Variants in NT5M observed in about 807,000 individuals in gnomAD.
NT5M encodes the protein 5'(3')-deoxyribonucleotidase, mitochondrial.
NT5M carries 22 observed loss-of-function variants against 22.2 expected under a neutral mutation model. The ratio of observed to expected loss-of-function variants is 0.99; its 90% CI spans 0.71 to 1.41. NT5M has a LOEUF of 1.41. Among genes scored for constraint, NT5M ranks in the 40% most tolerant of loss-of-function variants. The pLI, the probability that NT5M is intolerant of heterozygous loss-of-function variation, is 0.00. For missense variants in NT5M, 322 were observed against 314.8 expected (o/e 1.02, Z -0.17); for synonymous variants, 167 against 133.0 (o/e 1.26, Z -1.76).
At chr17:17,326,313 C>T (rs1457417354) in intron 3 of NT5M, among the ~76,000 whole-genome samples, 9 of 152,302 alleles carry the variant, frequency 5.9e-5, no homozygotes, top group African/African-American at 1.4e-4. Context: ...AGGCCTGCTC[C>T]GGGTCTGCCT....
chr17:17,320,420 G>T (rs868173928), intron 2 of NT5M, among the ~76,000 whole-genome samples: 19 of 152,090 alleles, frequency 1.2e-4, no homozygotes, highest in Non-Finnish European at 1.3e-4. Flanking sequence ...GGACCCATAA[G>T]ACCTGGGGAT....
chr17:17,313,504 A>T (rs2048961881), intron 2 of NT5M, among the ~76,000 whole-genome samples: 1 of 152,184 alleles, frequency 6.6e-6, no homozygotes, highest in Non-Finnish European at 1.5e-5. Context: ...TGAGTGGATA[A>T]CTGTGTATCT....
chr17:17,315,424 T>C (rs2049002595), intron 2 of NT5M, among the ~76,000 whole-genome samples: 1 of 152,084 alleles, frequency 6.6e-6, no homozygotes, highest in Non-Finnish European at 1.5e-5. Flanking sequence ...ATAAGCTTAG[T>C]GAAGGAACTA....
At chr17:17,320,866 G>A (rs1037387963) in intron 2 of NT5M, among the ~76,000 whole-genome samples, 5 of 152,108 alleles carry the variant, frequency 3.3e-5, no homozygotes, top group Non-Finnish European at 7.4e-5. Context: ...CAGCTGGGCT[G>A]AGTACCTGTG....
At chr17:17,346,696 A>C (rs1446437664) in intron 4 of NT5M, 109 bp from the exon 5 acceptor site, 1 of 1,360,820 alleles carries the variant, frequency 7.3e-7, no homozygotes, top group Non-Finnish European at 1.0e-6. Flanking sequence ...TTACAGAGGA[A>C]ACAAGTTTTG....
chr17:17,341,141 G>T (rs567066902), intron 3 of NT5M, among the ~76,000 whole-genome samples: 53 of 151,984 alleles, frequency 3.5e-4, no homozygotes, highest in South Asian at 1.2e-3. Context: ...CCTCATTATT[G>T]ATTTCTAGTT....
chr17:17,306,854 T>G (rs2048813522), intron 2 of NT5M, among the ~76,000 whole-genome samples: 2 of 152,216 alleles, frequency 1.3e-5, no homozygotes, highest in African/African-American at 4.8e-5. Context: ...TCCAGGAACT[T>G]GAGGAAATAC....
chr17:17,305,681 G>A (rs375928907), intron 1 of NT5M, among the ~76,000 whole-genome samples: 13 of 152,168 alleles, frequency 8.5e-5, no homozygotes, highest in East Asian at 3.9e-4. Context: ...TACTGCACAC[G>A]TGGGATTTAG....
chr17:17,318,314 T>A (rs2049075217), intron 2 of NT5M, among the ~76,000 whole-genome samples: 1 of 151,382 alleles, frequency 6.6e-6, no homozygotes, highest in African/African-American at 2.4e-5. Flanking sequence ...CCGTCTCTAC[T>A]AAAAATACAA....
At chr17:17,328,922 T>A (rs1342265609) in intron 3 of NT5M, among the ~76,000 whole-genome samples, 1 of 152,178 alleles carries the variant, frequency 6.6e-6, no homozygotes, top group African/African-American at 2.4e-5. Context: ...TCCAAGGGCT[T>A]TCCCTGTAGT....
intron 4 of NT5M, among the ~76,000 whole-genome samples, chr17:17,346,427 C>T (rs942482520): frequency 6.6e-6 from 1 of 152,212 alleles, no homozygotes; most frequent in African/African-American, 2.4e-5. Flanking sequence ...TGGTGGGGCA[C>T]AGAGAGGGAA....
chr17:17,339,897 T>G (rs568545942), intron 3 of NT5M, among the ~76,000 whole-genome samples: 1 of 152,366 alleles, frequency 6.6e-6, no homozygotes, highest in South Asian at 2.1e-4. Flanking sequence ...GTTGAGGATT[T>G]TAGGAATCAA....
At chr17:17,316,365 AG>A (rs981397161) in intron 2 of NT5M, among the ~76,000 whole-genome samples, 5 of 116,798 alleles carry the variant, frequency 4.3e-5, no homozygotes, top group Non-Finnish European at 9.6e-5. Context: ...GCTGTAACTT[AG>A]GTTTTTATTT....
chr17:17,320,240 AG>A (rs1227141811), intron 2 of NT5M, among the ~76,000 whole-genome samples: 2 of 152,168 alleles, frequency 1.3e-5, no homozygotes, highest in East Asian at 3.8e-4. Flanking sequence ...ACCTCTGTAA[AG>A]CTGTTTAAAA....
chr17:17,322,031 G>T (rs2049161867), intron 2 of NT5M, among the ~76,000 whole-genome samples: 1 of 152,008 alleles, frequency 6.6e-6, no homozygotes, highest in African/African-American at 2.4e-5. Flanking sequence ...AGGTGGGGAG[G>T]GTTAGGAACT....
chr17:17,330,749 T>C (rs2049364394), intron 3 of NT5M, among the ~76,000 whole-genome samples: 2 of 148,544 alleles, frequency 1.3e-5, no homozygotes, highest in African/African-American at 5.0e-5. Context: ...TTTCTTTTTT[T>C]TTTTTTTTTT....
At chr17:17,320,670 G>A (rs764500981) in intron 2 of NT5M, among the ~76,000 whole-genome samples, 30 of 152,126 alleles carry the variant, frequency 2.0e-4, no homozygotes, top group Non-Finnish European at 4.1e-4. Context: ...AGGTTGGGAC[G>A]CATCAGCATG....
chr17:17,326,358 C>A (rs1263228409), intron 3 of NT5M, among the ~76,000 whole-genome samples: 1 of 152,232 alleles, frequency 6.6e-6, no homozygotes, highest in Non-Finnish European at 1.5e-5. Flanking sequence ...GTGTGTTCCC[C>A]TGGAGGTAGC....
intron 3 of NT5M, among the ~76,000 whole-genome samples, chr17:17,343,046 C>T (rs1247413816): frequency 1.3e-5 from 2 of 152,318 alleles, no homozygotes; most frequent in East Asian, 1.9e-4. Context: ...TAGCCCCAGG[C>T]TCTTGCCCCC....
Sources: allele counts gnomAD v4.1 joint callset (sites outside exome capture counted in the v4.1 genomes callset), GRCh38; gene constraint gnomAD v4.1.1; transcripts MANE v1.5; gene names NCBI Gene and HGNC (gene_info 2026-07-23, HGNC 2026-07-21).